MINK1: variants seen among roughly 807,000 people sequenced by gnomAD.
MINK1 encodes misshapen-like kinase 1.
A neutral mutation model predicts 178.4 loss-of-function variants in MINK1; 46 were observed. That is an observed-to-expected ratio of 0.26 (90% CI 0.20 to 0.33). The LOEUF (loss-of-function observed/expected upper bound fraction) is 0.33. Ranked by LOEUF, MINK1 falls within the 10% of genes least tolerant of loss-of-function variation. MINK1 has a pLI of 1.00. For missense variants in MINK1, 1,366 were observed against 1,814.9 expected, an observed-to-expected ratio of 0.75 and a Z score of 4.49; for synonymous variants, 797 against 709.7, an observed-to-expected ratio of 1.12 and a Z score of -1.96.
At chr17:4,859,259 C>T (rs972344701) in intron 1 of MINK1, 1 of 985,268 alleles carries the variant, frequency 1.0e-6, no homozygotes, top group African/African-American at 1.7e-5. Flanking sequence ...TCCCTAGAAT[C>T]TCCTGGAATG....
chr17:4,857,593 A>T (rs1913406496), intron 1 of MINK1, among the ~76,000 whole-genome samples: 1 of 148,930 alleles, frequency 6.7e-6, no homozygotes, highest in South Asian at 2.1e-4. Context: ...CAGCCTCCCG[A>T]GTAGCTGGAA....
At position 4,894,278 on chromosome 17, in the gene MINK1, C is replaced by T. The variant is rs747631478; in HGVS notation, c.2775C>T (p.Gly925=). 1.2e-5 allele frequency: 19 copies of T among 1,612,948 alleles called. No homozygotes were observed. Among genetic ancestry groups the T allele is most frequent in the Non-Finnish European group, 1.6e-5 (19 of 1,179,808 alleles). Residue 925 remains glycine, a synonymous_variant, in exon 23 of 32, where the codon GGC becomes GGT. Coordinates refer to ENST00000355280, the MANE Select transcript of MINK1 (RefSeq NM_153827.5). This position sits in a 1 kb window ranked among gnomAD's most constrained non-coding sequence, Gnocchi z 4.1. ...PSHSPTENSK[G]QSPPSKDGSG... ...ACTCACCCACCGAGAACAGCAAAGG[C>T]CAAAGCCCACCCTCGAAGGATGGGA... is the stretch of plus-strand genomic sequence containing the variant.
intron 1 of MINK1, among the ~76,000 whole-genome samples, chr17:4,848,273 C>T (rs1041933263): frequency 2.6e-5 from 4 of 152,172 alleles, no homozygotes; most frequent in African/African-American, 4.8e-5. Context: ...TGCAACTGCA[C>T]AGACCTTGGA....
chr17:4,876,355 A>G (rs536316041), intron 1 of MINK1, among the ~76,000 whole-genome samples: 20 of 152,342 alleles, frequency 1.3e-4, no homozygotes, highest in East Asian at 7.7e-4. Context: ...GTAGAGCACA[A>G]TGCCTCGTGA....
chr17:4,848,120 C>T (rs1180557985), intron 1 of MINK1, among the ~76,000 whole-genome samples: 1 of 152,136 alleles, frequency 6.6e-6, no homozygotes, highest in Non-Finnish European at 1.5e-5. Context: ...AGAATATGTA[C>T]ACTCCAGAGA....
chr17:4,896,169 C>T lies in MINK1; in HGVS notation c.3466-24C>T, dbSNP rs761419000. 13 of 1,600,804 alleles carry T rather than the reference C, an allele frequency of 8.1e-6. No homozygotes were observed. The highest frequency in any genetic ancestry group is 2.2e-5 in the East Asian group (1 of 44,740). ...GCGCCTCTCCCCGTGCCCCTGAGCC[C>T]TCCTCTCCTCCGGTTCTCTGCAGTC... On this transcript the variant is annotated intron_variant, in intron 28 of 31. Transcript: ENST00000355280. The surrounding 1 kb of genome is among the most constrained non-coding windows in gnomAD (Gnocchi z 4.6).
At chr17:4,847,096 G>A (rs1447738527) in intron 1 of MINK1, 2 of 451,730 alleles carry the variant, frequency 4.4e-6, no homozygotes, top group Non-Finnish European at 9.0e-6. Context: ...GGCCCAAATT[G>A]CCTATCTCTA....
chr17:4,833,861 C>T lies in MINK1; in HGVS notation c.57+221C>T, dbSNP rs1205369203. ...CAGATGCTGGGAGCCAGTTCGGTCCCCACCCTGTGGTGCCCCGCCCCCACA... is the reference window on the plus strand; with the variant it reads ...CAGATGCTGGGAGCCAGTTCGGTCCTCACCCTGTGGTGCCCCGCCCCCACA... On this transcript the variant is annotated intron_variant, in intron 1 of 31. Transcript: ENST00000355280. This position sits in a 1 kb window ranked among gnomAD's most constrained non-coding sequence, Gnocchi z 4.8. Among the ~76,000 whole-genome samples the T allele has an allele frequency of 1.3e-5, 2 of 152,172 alleles. No individual in the cohort carries two copies. Among genetic ancestry groups the T allele is most frequent in the Admixed American group, 6.5e-5 (1 of 15,268 alleles).
chr17:4,882,193 G>C (rs1967764810), intron 4 of MINK1, among the ~76,000 whole-genome samples: 1 of 152,246 alleles, frequency 6.6e-6, no homozygotes, highest in African/African-American at 2.4e-5. Context: ...GTTGGGCACA[G>C]GTCCTCCCCT....
chr17:4,893,705 C>T, intron 21 of MINK1, 108 bp downstream of exon 21: 1 of 1,401,986 alleles, frequency 7.1e-7, no homozygotes. Context: ...AGAGCGGCTC[C>T]CTTCTCTAGA....
intron 13 of MINK1, chr17:4,889,988 C>T: frequency 5.2e-6 from 3 of 578,494 alleles, no homozygotes; most frequent in Non-Finnish European, 9.2e-6. Context: ...ATCCCTGACT[C>T]CCCGACCCCT....
rs369587620 is a variant in MINK1, at chr17:4,847,780, A to G, written c.57+14140A>G. 1.5e-4 allele frequency among the ~76,000 whole-genome samples: 23 copies of G among 152,282 alleles called. 1 individual carries two copies. In the South Asian group the frequency reaches 4.1e-3, roughly 27 times the overall value. ...TGGTGTCTCAGAGCTGGTCTCGGAA[A>G]CATCAGTTCCTACTGTGTAGAGAGA... On this transcript the variant is annotated intron_variant, in intron 1 of 31. Coordinates refer to ENST00000355280, the MANE Select transcript of MINK1 (RefSeq NM_153827.5).
intron 1 of MINK1, among the ~76,000 whole-genome samples, chr17:4,843,535 G>T (rs568103632): frequency 7.9e-5 from 12 of 152,144 alleles, no homozygotes; most frequent in Non-Finnish European, 1.5e-4. Flanking sequence ...GTTCTAGTAA[G>T]TCCTTTTTCT....
Position 4,891,309 on chromosome 17 carries a change from T to C in MINK1, c.1741-147T>C, listed in dbSNP as rs755995308. 199 of 1,256,530 alleles carry C rather than the reference T, an allele frequency of 1.6e-4. 1 individual carries two copies. Among genetic ancestry groups the C allele is most frequent in the Admixed American group, 2.6e-4 (9 of 34,428 alleles). The allele number at this position is 1,256,530 out of a possible 1,614,324, so 77.8% of individuals were successfully genotyped here. A position where few individuals can be genotyped will look rare whatever the true frequency, so the allele number is the denominator to read the frequency against. On this transcript the variant is annotated intron_variant, in intron 15 of 31. Transcript: ENST00000355280. ...TGCTTCTTGCTGCCTGTGTCTGTCC[T>C]GACTTAGCTGTCATCAGGCTCAAGG...
intron 1 of MINK1, chr17:4,857,294 A>T: frequency 5.1e-6 from 1 of 197,020 alleles, no homozygotes; most frequent in South Asian, 6.7e-5. Flanking sequence ...CACAGGCAGC[A>T]CCCAGGCCAC....
rs756301078 is a variant in MINK1 at position 4,891,715 on chromosome 17, A to C, written c.2000A>C (p.Lys667Thr). The C allele has an allele frequency of 6.2e-7, 1 of 1,600,712 alleles. No homozygotes were observed. Among genetic ancestry groups the C allele is most frequent in the African/African-American group, 1.3e-5 (1 of 74,714 alleles). ...WVRPDNEAPP[K>T]VPQRTSSIAT... ...CGCCCAGATAACGAGGCCCCACCCA[A>C]GGTAAGGACAGTTCTGCAGGCCCAG... is the stretch of plus-strand genomic sequence containing the variant. The change falls in exon 16 of 32, where the codon AAG becomes ACG. Residue 667 changes from lysine to threonine, a missense_variant and splice_region_variant. Physicochemically the swap from Lys to Thr is moderately conservative, Grantham distance 78. Transcript: ENST00000355280.
rs1969288079 is a variant in MINK1 at position 4,894,905 on chromosome 17, A to T, written c.2918-170A>T. On this transcript the variant is annotated intron_variant, in intron 24 of 31. Coordinates refer to ENST00000355280, the MANE Select transcript of MINK1 (RefSeq NM_153827.5). The surrounding 1 kb of genome is among the most constrained non-coding windows in gnomAD (Gnocchi z 4.1). ...AATGGGACTTGAGCCAGACCTTTTGACTCCAAGTCCAGCACTCTATCCCCC... is the reference window on the plus strand; with the variant it reads ...AATGGGACTTGAGCCAGACCTTTTGTCTCCAAGTCCAGCACTCTATCCCCC... The T allele has an allele frequency of 2.7e-6, 2 of 753,574 alleles. No individual in the cohort carries two copies. The highest frequency in any genetic ancestry group is 2.1e-6 in the Non-Finnish European group (1 of 473,522). The allele number at this position is 753,574 out of a possible 1,614,324, so 46.7% of individuals were successfully genotyped here. A position where few individuals can be genotyped will look rare whatever the true frequency, so the allele number is the denominator to read the frequency against.
chr17:4,849,860 A>C (rs1911655561), intron 1 of MINK1, among the ~76,000 whole-genome samples: 1 of 152,164 alleles, frequency 6.6e-6, no homozygotes, highest in Non-Finnish European at 1.5e-5. Flanking sequence ...GGTGTGAGCC[A>C]CCGCGCCCGG....
chr17:4,851,836 C>T (rs1912011067), intron 1 of MINK1, among the ~76,000 whole-genome samples: 2 of 151,860 alleles, frequency 1.3e-5, no homozygotes, highest in African/African-American at 4.8e-5. Context: ...CCTGTCTCTA[C>T]TAAAAATACA....
Sources: allele counts gnomAD v4.1 joint callset (sites outside exome capture counted in the v4.1 genomes callset), GRCh38; gene constraint gnomAD v4.1.1; non-coding constraint Gnocchi (gnomAD v3.1); transcripts MANE v1.5; gene names NCBI Gene and HGNC (gene_info 2026-07-23, HGNC 2026-07-21).